The following SLC25A48 variants were observed in gnomAD, a reference collection of about 807,000 sequenced individuals.
The protein encoded by SLC25A48 is solute carrier family 25 member 48.
Under a neutral mutation model 32.2 loss-of-function variants are expected in SLC25A48, and 29 were observed. The ratio of observed to expected loss-of-function variants is 0.90; its 90% confidence interval spans 0.67 to 1.23. SLC25A48 has a LOEUF of 1.23. Ranked by LOEUF, SLC25A48 falls within the 50% of genes most tolerant of loss-of-function variation. The pLI is 0.00. For missense variants in SLC25A48, 399 were observed against 422.7 expected, an observed-to-expected ratio of 0.94 and a Z score of 0.49; for synonymous variants, 164 against 172.3, an observed-to-expected ratio of 0.95 and a Z score of 0.38.
intron 1 of SLC25A48, among the ~76,000 whole-genome samples, chr5:135,611,994 A>G (rs1752082770): frequency 6.6e-6 from 1 of 152,272 alleles, no homozygotes; most frequent in African/African-American, 2.4e-5. Context: ...CATTAATAAG[A>G]GAGTTCATTA....
At chr5:135,598,639 A>C (rs1751714398) in intron 1 of SLC25A48, among the ~76,000 whole-genome samples, 1 of 152,244 alleles carries the variant, frequency 6.6e-6, no homozygotes, top group Non-Finnish European at 1.5e-5. Context: ...CAGGTCGGCT[A>C]AGTATATAAA....
chr5:135,686,680 TA>T (rs2126954724), intron 3 of SLC25A48, among the ~76,000 whole-genome samples: 1 of 152,326 alleles, frequency 6.6e-6, no homozygotes, highest in East Asian at 1.9e-4. Flanking sequence ...AGTGAAGTTT[TA>T]CTGGACGACA....
intron 3 of SLC25A48, among the ~76,000 whole-genome samples, chr5:135,740,368 G>A (rs1755472975): frequency 1.3e-5 from 2 of 152,004 alleles, no homozygotes; most frequent in African/African-American, 4.8e-5. Flanking sequence ...TAATTTTTGT[G>A]TTTTTTAGTG....
At chr5:135,840,661 A>G (rs1452252122) in intron 1 of SLC25A48, among the ~76,000 whole-genome samples, 3 of 152,234 alleles carry the variant, frequency 2.0e-5, no homozygotes, top group African/African-American at 7.2e-5. Context: ...GTAGAGTCAC[A>G]CAATACCTTG....
At chr5:135,716,229 C>G (rs1308336867) in intron 3 of SLC25A48, among the ~76,000 whole-genome samples, 1 of 152,190 alleles carries the variant, frequency 6.6e-6, no homozygotes, top group Admixed American at 6.5e-5. Context: ...GGACAGCCAG[C>G]AGGATCACCA....
At chr5:135,620,969 A>T (rs555203444) in intron 1 of SLC25A48, among the ~76,000 whole-genome samples, 9 of 152,042 alleles carry the variant, frequency 5.9e-5, no homozygotes, top group Admixed American at 2.0e-4. Flanking sequence ...TAAGCAGGCT[A>T]CCTCCCTTCC....
At chr5:135,632,571 G>C (rs1007087523) in intron 2 of SLC25A48, among the ~76,000 whole-genome samples, 25 of 152,106 alleles carry the variant, frequency 1.6e-4, no homozygotes, top group African/African-American at 5.8e-4. Flanking sequence ...TCTCATTCTT[G>C]GGAATGTCTC....
intron 3 of SLC25A48, among the ~76,000 whole-genome samples, chr5:135,657,132 G>A (rs1311533472): frequency 2.0e-5 from 3 of 152,158 alleles, no homozygotes; most frequent in Non-Finnish European, 4.4e-5. Flanking sequence ...TTGCAAAGGT[G>A]TTGCTGAGAC....
At chr5:135,850,283 G>A in intron 2 of SLC25A48, 142 bp from the exon 3 acceptor site, 1 of 725,764 alleles carries the variant, frequency 1.4e-6, no homozygotes. Flanking sequence ...TGGAGACAGG[G>A]CACCAGCCTG....
intron 3 of SLC25A48, among the ~76,000 whole-genome samples, chr5:135,697,956 G>A (rs1754306000): frequency 6.6e-6 from 1 of 152,178 alleles, no homozygotes; most frequent in African/African-American, 2.4e-5. Flanking sequence ...CTCTGACCCA[G>A]GCTCCCACCT....
intron 3 of SLC25A48, chr5:135,650,321 A>T (rs1328021505): frequency 4.6e-6 from 2 of 431,616 alleles, no homozygotes; most frequent in Middle Eastern, 3.6e-4. Context: ...TGACTGGTAC[A>T]CTCCAAGCTC....
chr5:135,887,903 A>G (rs1762792723), intron 7 of SLC25A48, 129 bp from the exon 8 acceptor site: 6 of 851,078 alleles, frequency 7.0e-6, no homozygotes, highest in Non-Finnish European at 9.3e-6. Context: ...AATCAAGTGC[A>G]AAAGTGTTTT....
At chr5:135,785,423 A>G (rs1234618794) in intron 3 of SLC25A48, among the ~76,000 whole-genome samples, 1 of 149,448 alleles carries the variant, frequency 6.7e-6, no homozygotes, top group Non-Finnish European at 1.5e-5. Context: ...GGGTGATATT[A>G]CTCCCTATGC....
intron 3 of SLC25A48, among the ~76,000 whole-genome samples, chr5:135,658,177 A>T (rs1753300571): frequency 6.6e-6 from 1 of 152,244 alleles, no homozygotes; most frequent in Admixed American, 6.5e-5. Flanking sequence ...TAAGCCTGTA[A>T]AATGAAAAAC....
intron 3 of SLC25A48, among the ~76,000 whole-genome samples, chr5:135,712,407 G>C (rs6890607): frequency 0.056 from 8,544 of 152,190 alleles, 393 homozygotes; most frequent in African/African-American, 0.12. Context: ...TTAACTCTCT[G>C]TTTCTGGTGA....
chr5:135,726,228 C>A (rs1755085320), intron 3 of SLC25A48, among the ~76,000 whole-genome samples: 1 of 152,176 alleles, frequency 6.6e-6, no homozygotes, highest in Non-Finnish European at 1.5e-5. Context: ...CATGCTATGT[C>A]CTTTTTATTT....
chr5:135,738,440 G>C (rs549694927), intron 3 of SLC25A48, among the ~76,000 whole-genome samples: 9 of 152,296 alleles, frequency 5.9e-5, no homozygotes, highest in African/African-American at 2.2e-4. Context: ...GCAGCTGATG[G>C]GAAGAGGTGA....
At chr5:135,749,545 A>G (rs1406705031) in intron 3 of SLC25A48, among the ~76,000 whole-genome samples, 1 of 152,092 alleles carries the variant, frequency 6.6e-6, no homozygotes, top group East Asian at 1.9e-4. Context: ...GATCACATCC[A>G]CTAACACCTG....
At chr5:135,727,184 CTA>C (rs61234105) in intron 3 of SLC25A48, among the ~76,000 whole-genome samples, 11,414 of 145,958 alleles carry the variant, frequency 0.078, 639 homozygotes, top group African/African-American at 0.16. Context: ...TAGCCACAGG[CTA>C]TATATATATA....
Sources: gnomAD v4.1 joint callset for allele counts (sites outside exome capture counted in the v4.1 genomes callset) on GRCh38, gnomAD v4.1.1 for gene constraint, MANE v1.5 for transcripts, NCBI Gene and HGNC (gene_info 2026-07-23, HGNC 2026-07-21) for gene names.